Variants in NRG3 observed in about 807,000 individuals in gnomAD.
The protein encoded by NRG3 is pro-neuregulin-3, membrane-bound isoform.
In NRG3, 31 loss-of-function variants were observed where a neutral mutation model predicts 66.9. The observed-to-expected ratio is 0.46, with a 90% CI of 0.35 to 0.63. The LOEUF (loss-of-function observed/expected upper bound fraction) is 0.63, where lower values mean the gene tolerates loss of function less well. Among genes scored for constraint, NRG3 ranks in the 20% least tolerant of loss-of-function variants. NRG3 has a pLI of 0.00. For missense variants in NRG3, 910 were observed against 878.9 expected (o/e 1.04, Z -0.45); for synonymous variants, 393 against 359.4 (o/e 1.09, Z -1.06).
chr10:82,497,717 A>G (rs762616477), intron 2 of NRG3, among the ~76,000 whole-genome samples: 1 of 152,034 alleles, frequency 6.6e-6, no homozygotes, highest in Non-Finnish European at 1.5e-5. Flanking sequence ...GGGTACAGCA[A>G]TTTCTTCCAG....
chr10:82,986,783 T>C lies in NRG3; in HGVS notation c.*1178T>C, dbSNP rs1010293070. ...TACTTAAATTATTAATACAAGACAA[T>C]TAACAAATTGACAGTTACCATTTGC... is the stretch of plus-strand genomic sequence containing the variant. On this transcript the variant is annotated 3_prime_UTR_variant, in exon 9 of 9. Coordinates refer to ENST00000372141, the MANE Select transcript of NRG3 (RefSeq NM_001010848.4). 2.0e-5 allele frequency: 3 copies of C among 152,208 alleles called. No individual in the cohort carries two copies. The highest frequency in any genetic ancestry group is 7.2e-5 in the African/African-American group (3 of 41,458). 9.4% of individuals were successfully genotyped at this position (152,208 alleles called of 1,614,324 possible). A position where few individuals can be genotyped will look rare whatever the true frequency, so the allele number is the denominator to read the frequency against.
intron 3 of NRG3, among the ~76,000 whole-genome samples, chr10:82,741,897 A>G (rs892898698): frequency 5.9e-5 from 9 of 152,142 alleles, no homozygotes; most frequent in Non-Finnish European, 1.2e-4. Flanking sequence ...TATTTGCACA[A>G]TTTTCATATC....
chr10:82,635,461 A>G (rs1397486857), intron 2 of NRG3, among the ~76,000 whole-genome samples: 1 of 151,678 alleles, frequency 6.6e-6, no homozygotes, highest in African/African-American at 2.4e-5. Context: ...CCAAGAAGGG[A>G]CATATTCCTG....
rs370359467 is a variant in NRG3, at chr10:82,236,710, C to CTTTTT, written c.824-122010_824-122006dup. Among the ~76,000 whole-genome samples, 50 of 93,506 alleles carry CTTTTT rather than the reference C, an allele frequency of 5.3e-4. 1 individual carries two copies. Among genetic ancestry groups the CTTTTT allele is most frequent in the African/African-American group, 9.9e-4 (23 of 23,268 alleles). 61.3% of individuals were successfully genotyped at this position (93,506 alleles called of 152,430 possible). On this transcript the variant is annotated intron_variant, in intron 1 of 8. Transcript: ENST00000372141. The stretch of plus-strand genomic sequence containing the variant: ...CTCCTTCTCCATATGAAAACTAGAA[C>CTTTTT]TTTTTTTTTTTTTTTTTTTTTTTGA...
At chr10:81,992,997 A>G (rs1436297607) in intron 1 of NRG3, among the ~76,000 whole-genome samples, 1 of 152,174 alleles carries the variant, frequency 6.6e-6, no homozygotes, top group Non-Finnish European at 1.5e-5. Context: ...TTTAGAATAG[A>G]TATTTCTAGT....
intron 1 of NRG3, among the ~76,000 whole-genome samples, chr10:82,254,856 T>C (rs2077642012): frequency 6.6e-6 from 1 of 151,336 alleles, no homozygotes; most frequent in Non-Finnish European, 1.5e-5. Flanking sequence ...AAATAAATAA[T>C]TGAATAAATA....
chr10:82,801,174 C>G (rs1227458724), intron 3 of NRG3, among the ~76,000 whole-genome samples: 1 of 152,108 alleles, frequency 6.6e-6, no homozygotes, highest in Non-Finnish European at 1.5e-5. Flanking sequence ...AGTTGCACTT[C>G]GAAGATGTGG....
chr10:82,944,264 C>T (rs989735671), intron 4 of NRG3, among the ~76,000 whole-genome samples: 8 of 152,174 alleles, frequency 5.3e-5, no homozygotes, highest in Admixed American at 2.0e-4. Context: ...AAACATACTG[C>T]ATAAATGTTA....
intron 2 of NRG3, among the ~76,000 whole-genome samples, chr10:82,474,352 A>C (rs1166462399): frequency 6.6e-6 from 1 of 152,146 alleles, no homozygotes; most frequent in Non-Finnish European, 1.5e-5. Flanking sequence ...AAAAACATGA[A>C]TGGATGACTA....
At chr10:82,545,400 A>G (rs1465184919) in intron 2 of NRG3, among the ~76,000 whole-genome samples, 3 of 133,050 alleles carry the variant, frequency 2.3e-5, no homozygotes, top group Middle Eastern at 4.5e-3. Context: ...TTTTTTTGAG[A>G]CGGAGTCTCT....
chr10:82,655,375 A>G (rs888180823), intron 2 of NRG3, among the ~76,000 whole-genome samples: 3 of 152,170 alleles, frequency 2.0e-5, no homozygotes, highest in African/African-American at 7.2e-5. Flanking sequence ...CAAAGGATCA[A>G]TAAAAACAAT....
intron 2 of NRG3, among the ~76,000 whole-genome samples, chr10:82,564,256 C>G (rs2045245101): frequency 1.3e-5 from 2 of 152,130 alleles, no homozygotes; most frequent in Admixed American, 6.6e-5. Flanking sequence ...TGAGCTGAGG[C>G]TGTCAGTGAT....
At chr10:81,926,788 C>T (rs934096226) in intron 1 of NRG3, among the ~76,000 whole-genome samples, 1 of 152,172 alleles carries the variant, frequency 6.6e-6, no homozygotes, top group Non-Finnish European at 1.5e-5. Flanking sequence ...AGAGTTTAAT[C>T]TCCAGTTTTA....
intron 1 of NRG3, among the ~76,000 whole-genome samples, chr10:82,009,197 A>T (rs1437102762): frequency 6.6e-6 from 1 of 152,218 alleles, no homozygotes; most frequent in Non-Finnish European, 1.5e-5. Context: ...TCATATGCAA[A>T]AAAGTACTAT....
At chr10:82,840,231 G>A (rs905875871) in intron 3 of NRG3, among the ~76,000 whole-genome samples, 2 of 152,056 alleles carry the variant, frequency 1.3e-5, no homozygotes, top group Admixed American at 6.6e-5. Flanking sequence ...AGATATCCGC[G>A]TAGTTAACTC....
intron 2 of NRG3, among the ~76,000 whole-genome samples, chr10:82,430,334 T>C (rs2089720449): frequency 6.6e-6 from 1 of 152,108 alleles, no homozygotes; most frequent in Non-Finnish European, 1.5e-5. Context: ...CTCGGCTCAC[T>C]GTAAGCTCTG....
Position 82,341,048 on chromosome 10 carries a change from G to A in NRG3, c.824-17691G>A, listed in dbSNP as rs141762998. Among the ~76,000 whole-genome samples the A allele has an allele frequency of 9.5e-3, 1,447 of 152,248 alleles. 13 individuals are homozygous for A. The highest frequency in any genetic ancestry group is 0.013 in the Non-Finnish European group (899 of 67,998). On this transcript the variant is annotated intron_variant, in intron 1 of 8. Coordinates refer to ENST00000372141, the MANE Select transcript of NRG3 (RefSeq NM_001010848.4). ...AGGAGATGGATACCCCATTTTCCATGTTGTGATTATTATGCATTGCATACC... is the reference window on the plus strand; with the variant it reads ...AGGAGATGGATACCCCATTTTCCATATTGTGATTATTATGCATTGCATACC...
In NRG3 at chr10:82,874,065, C is replaced by T. The variant is rs116756213; in HGVS notation, c.1054+8628C>T. On this transcript the variant is annotated intron_variant, in intron 4 of 8. Coordinates refer to ENST00000372141, the MANE Select transcript of NRG3 (RefSeq NM_001010848.4). The stretch of plus-strand genomic sequence containing the variant: ...AGGCATAGAAATGTGTTGTACTCAA[C>T]GTCTGTGATATAAATTATATTTATA... Among the ~76,000 whole-genome samples the T allele has an allele frequency of 9.9e-3, 1,484 of 150,258 alleles. 29 individuals carry two copies. Among genetic ancestry groups the T allele is most frequent in the African/African-American group, 0.034 (1,411 of 41,066 alleles).
chr10:82,826,872 A>G (rs1012891531), intron 3 of NRG3, among the ~76,000 whole-genome samples: 5 of 152,042 alleles, frequency 3.3e-5, no homozygotes, highest in African/African-American at 1.2e-4. Context: ...CAATTTACCC[A>G]TGTTACAAAC....
Sources: gnomAD v4.1 joint callset for allele counts (sites outside exome capture counted in the v4.1 genomes callset) on GRCh38, gnomAD v4.1.1 for gene constraint, MANE v1.5 for transcripts, NCBI Gene and HGNC (gene_info 2026-07-23, HGNC 2026-07-21) for gene names.